The following PRDM5 variants were observed in gnomAD, a reference collection of about 807,000 sequenced individuals.
PRDM5 encodes PR/SET domain 5.
In PRDM5, 56 loss-of-function variants were observed where a neutral mutation model predicts 81.2. The observed-to-expected ratio is 0.69, with a 90% CI of 0.56 to 0.86. The LOEUF (loss-of-function observed/expected upper bound fraction) is 0.86. Ranked by LOEUF, PRDM5 falls within the 40% of genes least tolerant of loss-of-function variation. The probability of loss-of-function intolerance (pLI) is 0.00; values close to 1 mark genes in which losing one functional copy is unlikely to be tolerated. For synonymous variants in PRDM5, 267 were observed against 256.4 expected (o/e 1.04, Z -0.39); for missense variants, 697 against 770.1 (o/e 0.91, Z 1.12).
At chr4:120,787,787 G>T (rs12509939) in intron 10 of PRDM5, among the ~76,000 whole-genome samples, 30,287 of 152,018 alleles carry the variant, frequency 0.2, 3,673 homozygotes, top group Non-Finnish European at 0.28. Flanking sequence ...GGTTCAATTT[G>T]GGGCAAGTTC....
intron 3 of PRDM5, among the ~76,000 whole-genome samples, chr4:120,832,697 T>A (rs970484353): frequency 4.6e-5 from 7 of 152,080 alleles, no homozygotes; most frequent in Admixed American, 1.3e-4. Context: ...AGAAAAAAAT[T>A]GTCATTTCCT....
chr4:120,850,465 C>T (rs1445215998), intron 3 of PRDM5, among the ~76,000 whole-genome samples: 1 of 152,096 alleles, frequency 6.6e-6, no homozygotes, highest in East Asian at 1.9e-4. Flanking sequence ...TCCTCTACTC[C>T]AGCTACTGTT....
chr4:120,790,589 A>G (rs1750420670), intron 10 of PRDM5, among the ~76,000 whole-genome samples: 1 of 152,202 alleles, frequency 6.6e-6, no homozygotes. Context: ...AAGATTCCTA[A>G]AGTTCAAAGA....
intron 14 of PRDM5, among the ~76,000 whole-genome samples, chr4:120,740,959 C>T (rs767878528): frequency 3.6e-4 from 55 of 152,212 alleles, no homozygotes; most frequent in Non-Finnish European, 4.6e-4. Flanking sequence ...CTTACTGTAT[C>T]TGTAGGTGTG....
chr4:120,854,419 C>T (rs184339166), intron 2 of PRDM5, among the ~76,000 whole-genome samples: 1 of 152,262 alleles, frequency 6.6e-6, no homozygotes, highest in African/African-American at 2.4e-5. Context: ...CACTCCATAT[C>T]TCCAACACCA....
At chr4:120,806,959 G>C (rs1364712153) in intron 8 of PRDM5, among the ~76,000 whole-genome samples, 1 of 152,136 alleles carries the variant, frequency 6.6e-6, no homozygotes, top group African/African-American at 2.4e-5. Flanking sequence ...ATCTGACAAA[G>C]GGCTAATATC....
chr4:120,761,971 T>C (rs909681158), intron 13 of PRDM5, among the ~76,000 whole-genome samples: 1 of 152,146 alleles, frequency 6.6e-6, no homozygotes, highest in African/African-American at 2.4e-5. Context: ...TTTAAAAAAG[T>C]GTACAGCCAA....
chr4:120,850,061 G>A (rs994422226), intron 3 of PRDM5, among the ~76,000 whole-genome samples: 5 of 151,894 alleles, frequency 3.3e-5, no homozygotes, highest in African/African-American at 9.7e-5. Context: ...TGCAAAACTA[G>A]AAATATAATC....
intron 8 of PRDM5, among the ~76,000 whole-genome samples, chr4:120,808,043 G>A (rs139137125): frequency 0.018 from 2,759 of 152,284 alleles, 32 homozygotes; most frequent in Middle Eastern, 0.031. Context: ...TGCAGTGAGT[G>A]TTACAGCTCA....
At chr4:120,779,301 C>A (rs1347141502) in intron 12 of PRDM5, among the ~76,000 whole-genome samples, 1 of 152,072 alleles carries the variant, frequency 6.6e-6, no homozygotes, top group Non-Finnish European at 1.5e-5. Flanking sequence ...GGAAACAGCT[C>A]ACTTTAAGAA....
chr4:120,788,686 G>A (rs1750120857), intron 10 of PRDM5, among the ~76,000 whole-genome samples: 2 of 152,120 alleles, frequency 1.3e-5, no homozygotes, highest in Non-Finnish European at 2.9e-5. Flanking sequence ...AAGAACCTGG[G>A]ACAGCATAAT....
intron 14 of PRDM5, among the ~76,000 whole-genome samples, chr4:120,720,195 T>C (rs371995172): frequency 6.6e-5 from 10 of 152,184 alleles, no homozygotes; most frequent in East Asian, 5.8e-4. Context: ...GTACTTCATA[T>C]GGCAATCCCA....
rs2148984365 is a variant in PRDM5, at chr4:120,695,058, TG to T, written c.*52del. 6.4e-7 allele frequency: 1 copy of T among 1,567,156 alleles called. No homozygotes were observed. Among genetic ancestry groups the T allele is most frequent in the Non-Finnish European group, 8.8e-7 (1 of 1,138,430 alleles). ...TTATGCTGATCAGGTGATAAAAATC[TG>T]GGATTCATATTAGGAGCCCTTCTGA... is the stretch of plus-strand genomic sequence containing the variant. On this transcript the variant is annotated 3_prime_UTR_variant, in exon 16 of 16. Transcript: ENST00000264808.
At chr4:120,766,607 A>C (rs1746423683) in intron 13 of PRDM5, among the ~76,000 whole-genome samples, 1 of 152,194 alleles carries the variant, frequency 6.6e-6, no homozygotes, top group African/African-American at 2.4e-5. Flanking sequence ...TGGTATGTTC[A>C]AGAGTAACAG....
At chr4:120,818,132 T>C in intron 5 of PRDM5, 2 of 526,766 alleles carry the variant, frequency 3.8e-6, no homozygotes. Flanking sequence ...GTTTATGTGT[T>C]AAAATCCATA....
intron 7 of PRDM5, among the ~76,000 whole-genome samples, chr4:120,812,137 C>T (rs1355705723): frequency 1.3e-5 from 2 of 152,102 alleles, no homozygotes; most frequent in African/African-American, 4.8e-5. Flanking sequence ...ATTTGTGCAG[C>T]TGTGCCTGGC....
chr4:120,873,475 A>G (rs1762046302), intron 2 of PRDM5, among the ~76,000 whole-genome samples: 1 of 152,350 alleles, frequency 6.6e-6, no homozygotes, highest in Non-Finnish European at 1.5e-5. Flanking sequence ...CACTCCGGCT[A>G]TAAGTGGCCA....
intron 3 of PRDM5, chr4:120,839,276 T>C: frequency 1.4e-6 from 1 of 703,078 alleles, no homozygotes; most frequent in Non-Finnish European, 2.6e-6. Context: ...ATTCTTGTCC[T>C]GTGACCAGGA....
intron 7 of PRDM5, among the ~76,000 whole-genome samples, chr4:120,815,215 G>C (rs189264667): frequency 4.1e-4 from 63 of 152,242 alleles, no homozygotes; most frequent in Non-Finnish European, 8.5e-4. Flanking sequence ...AAAAAACTAC[G>C]AAGGCAAGTC....
Sources: gnomAD v4.1 joint callset for allele counts (sites outside exome capture counted in the v4.1 genomes callset) on GRCh38, gnomAD v4.1.1 for gene constraint, MANE v1.5 for transcripts, NCBI Gene and HGNC (gene_info 2026-07-23, HGNC 2026-07-21) for gene names.